COPB1: variants seen among roughly 807,000 people sequenced by gnomAD.
COPB1 encodes the protein coatomer subunit beta.
COPB1 carries 21 observed loss-of-function variants against 108.7 expected under a neutral mutation model. That is an observed-to-expected ratio of 0.19 (90% CI 0.14 to 0.28). COPB1 has a LOEUF of 0.28. Among genes scored for constraint, COPB1 ranks in the 10% least tolerant of loss-of-function variants. The pLI, the probability that COPB1 is intolerant of heterozygous loss-of-function variation, is 1.00. For missense variants in COPB1, 919 were observed against 1,141.3 expected, an observed-to-expected ratio of 0.81 and a Z score of 2.81; for synonymous variants, 378 against 386.8, an observed-to-expected ratio of 0.98 and a Z score of 0.27.
At chr11:14,466,460 A>G (rs1461997434) in intron 16 of COPB1, 34 bp from the exon 17 acceptor site, 1 of 1,591,226 alleles carries the variant, frequency 6.3e-7, no homozygotes, top group Non-Finnish European at 8.6e-7. Context: ...TAATCAAATG[A>G]CAGATGCAAT....
chr11:14,458,589 A>G lies in COPB1; in HGVS notation c.2745T>C (p.Ile915=). 6.2e-7 allele frequency: 1 copy of G among 1,613,936 alleles called. No homozygotes were observed. Among genetic ancestry groups the G allele is most frequent in the South Asian group, 1.1e-5 (1 of 91,056 alleles). The change falls in exon 21 of 22, where the codon ATT becomes ATC. Residue 915 remains isoleucine (I), a synonymous_variant. Coordinates refer to ENST00000439561, the MANE Select transcript of COPB1 (RefSeq NM_001144061.2). The stretch of plus-strand genomic sequence containing the variant: ...TAACAGCAGCATCTGGTCCCTGGTG[A>G]ATTGGCTTCTCAATGCTGACATTTG... ...ALANVSIEKP[I]HQGPDAAVTG... is the part of the protein sequence containing the mutation.
intron 4 of COPB1, among the ~76,000 whole-genome samples, chr11:14,492,342 A>T (rs958711078): frequency 5.9e-5 from 9 of 151,364 alleles, no homozygotes; most frequent in South Asian, 2.1e-4. Context: ...TATTATTATT[A>T]TTTTTATTAT....
Position 14,494,198 on chromosome 11 carries a change from G to C in COPB1, c.321+12C>G. 1 of 1,528,792 alleles carries C rather than the reference G, an allele frequency of 6.5e-7. No homozygotes were observed. Among genetic ancestry groups the C allele is most frequent in the Non-Finnish European group, 9.0e-7 (1 of 1,111,902 alleles). The allele number at this position is 1,528,792 out of a possible 1,614,324, so 94.7% of individuals were successfully genotyped here. ...CAAAGCAATATTCAGAAATAATTAT[G>C]ATTTGGTTTACCTTTCTGTATGCAT... On this transcript the variant is annotated intron_variant, in intron 3 of 21. Transcript: ENST00000439561.
chr11:14,498,497 A>C (rs1851077664), intron 2 of COPB1, among the ~76,000 whole-genome samples: 1 of 152,226 alleles, frequency 6.6e-6, no homozygotes, highest in Admixed American at 6.5e-5. Flanking sequence ...AGTTAAGTGC[A>C]CGATGGAATT....
At chr11:14,458,020 C>A (rs1477814548) in intron 21 of COPB1, 137 bp from the exon 22 acceptor site, 16 of 441,196 alleles carry the variant, frequency 3.6e-5, no homozygotes, top group Non-Finnish European at 5.6e-5. Flanking sequence ...AACAGACTTA[C>A]CAAACTTTAC....
chr11:14,465,103 ACACACACT>A (rs1285910605), intron 17 of COPB1, 73 bp from the exon 18 acceptor site: 28 of 1,251,022 alleles, frequency 2.2e-5, no homozygotes, highest in Non-Finnish European at 2.8e-5. Flanking sequence ...ACACACACAC[ACACACACT>A]AACCATAAAA....
chr11:14,484,574 T>C (rs1399459974), intron 7 of COPB1, among the ~76,000 whole-genome samples: 1 of 152,060 alleles, frequency 6.6e-6, no homozygotes, highest in African/African-American at 2.4e-5. Flanking sequence ...AAAAATTAGC[T>C]GGGTGTGGTG....
chr11:14,499,689 C>T lies in COPB1; in HGVS notation c.-58+18G>A, dbSNP rs906616298. The T allele has an allele frequency of 2.6e-5, 4 of 152,122 alleles. No individual in the cohort carries two copies. The highest frequency in any genetic ancestry group is 9.7e-5 in the African/African-American group (4 of 41,338). The allele number at this position is 152,122 out of a possible 1,614,324, so 9.4% of individuals were successfully genotyped here. On this transcript the variant is annotated intron_variant, in intron 1 of 21. Transcript: ENST00000439561. ...CTTCCAGCTAGAAAGCCAGTTCTTC[C>T]GACTCTGCCCGACCCACCACGCCTC...
intron 18 of COPB1, among the ~76,000 whole-genome samples, chr11:14,463,241 T>C (rs1253249037): frequency 6.6e-6 from 1 of 152,360 alleles, no homozygotes; most frequent in South Asian, 2.1e-4. Flanking sequence ...CCCCTCTTTT[T>C]AGTCTGTATG....
intron 2 of COPB1, among the ~76,000 whole-genome samples, chr11:14,495,482 C>T (rs149952635): frequency 3.9e-5 from 6 of 152,230 alleles, no homozygotes; most frequent in African/African-American, 1.2e-4. Context: ...GCGTCAGATG[C>T]GGTGGTTCAT....
chr11:14,466,223 A>T, intron 17 of COPB1, 59 bp downstream of exon 17: 2 of 1,519,718 alleles, frequency 1.3e-6, no homozygotes, highest in Non-Finnish European at 1.8e-6. Flanking sequence ...CACCTCCCTT[A>T]ATCTGTCATA....
rs1285796723 is a variant in COPB1, at chr11:14,480,974, C to T, written c.1065+16G>A. ...GGGCCTGATAGCTACAAAGTGCTGT[C>T]AGAGTTTCCTTTTACCTCTTCAACA... is the stretch of plus-strand genomic sequence containing the variant. On this transcript the variant is annotated intron_variant, in intron 9 of 21. Coordinates refer to ENST00000439561, the MANE Select transcript of COPB1 (RefSeq NM_001144061.2). The T allele has an allele frequency of 1.9e-6, 3 of 1,612,962 alleles. No individual in the cohort carries two copies. The highest frequency in any genetic ancestry group is 1.1e-5 in the South Asian group (1 of 90,968).
At chr11:14,498,706 C>G (rs890291841) in intron 2 of COPB1, 132 bp downstream of exon 2, 5 of 632,744 alleles carry the variant, frequency 7.9e-6, no homozygotes, top group African/African-American at 1.9e-5. Context: ...AATAAAAGGT[C>G]TATCGAAGAG....
chr11:14,487,544 G>A (rs570293058), intron 6 of COPB1, among the ~76,000 whole-genome samples: 14 of 152,042 alleles, frequency 9.2e-5, no homozygotes, highest in Admixed American at 2.6e-4. Flanking sequence ...ATACGGTGGC[G>A]TGCACCTGTA....
Position 14,466,508 on chromosome 11 carries a change from T to A in COPB1, c.2146-82A>T. ...ACCCTGGCCAAATGATTAAGTCTGGTAGGTTATTAACAGAGTTGCTTAGAA... is the reference window on the plus strand; with the variant it reads ...ACCCTGGCCAAATGATTAAGTCTGGAAGGTTATTAACAGAGTTGCTTAGAA... On this transcript the variant is annotated intron_variant, in intron 16 of 21. Transcript: ENST00000439561. 11 of 1,413,892 alleles carry A rather than the reference T, an allele frequency of 7.8e-6. No individual in the cohort carries two copies. The South Asian group carries it at 1.3e-4, about 17-fold the overall frequency. 87.6% of individuals were successfully genotyped at this position (1,413,892 alleles called of 1,614,324 possible). A position where few individuals can be genotyped will look rare whatever the true frequency, so the allele number is the denominator to read the frequency against.
At chr11:14,481,688 A>G (rs1338964880) in intron 8 of COPB1, among the ~76,000 whole-genome samples, 1 of 152,256 alleles carries the variant, frequency 6.6e-6, no homozygotes, top group Non-Finnish European at 1.5e-5. Context: ...AACATTTAAA[A>G]GATGCACACT....
At chr11:14,481,232 A>T (rs1850653579) in intron 8 of COPB1, 135 bp from the exon 9 acceptor site, 1 of 645,326 alleles carries the variant, frequency 1.5e-6, no homozygotes, top group Admixed American at 2.9e-5. Context: ...TAGTGGTGGA[A>T]GAACTAGATA....
At chr11:14,476,416 A>AT (rs1850520585) in intron 12 of COPB1, among the ~76,000 whole-genome samples, 1 of 152,228 alleles carries the variant, frequency 6.6e-6, no homozygotes, top group African/African-American at 2.4e-5. Context: ...CTGAATGGCT[A>AT]TTATGTATTT....
intron 7 of COPB1, 34 bp from the exon 8 acceptor site, chr11:14,483,185 AT>A: frequency 6.8e-7 from 1 of 1,477,026 alleles, no homozygotes; most frequent in Non-Finnish European, 9.2e-7. Flanking sequence ...TTAAGAAGTT[AT>A]TCATCTATCA....
Sources: gnomAD v4.1 joint callset for allele counts (sites outside exome capture counted in the v4.1 genomes callset) on GRCh38, gnomAD v4.1.1 for gene constraint, MANE v1.5 for transcripts, NCBI Gene and HGNC (gene_info 2026-07-23, HGNC 2026-07-21) for gene names.